Variants in COL4A6 observed in about 807,000 individuals in gnomAD.
COL4A6 encodes collagen alpha-6(IV) chain.
A neutral mutation model predicts 126.7 loss-of-function variants in COL4A6; 59 were observed. The ratio of observed to expected loss-of-function variants is 0.47; its 90% CI spans 0.38 to 0.58. The LOEUF (loss-of-function observed/expected upper bound fraction) is 0.58, where lower values mean the gene tolerates loss of function less well. Ranked by LOEUF, COL4A6 falls within the 20% of genes least tolerant of loss-of-function variation. The pLI is 0.00. For synonymous variants in COL4A6, 547 were observed against 496.6 expected (o/e 1.10, Z -1.35); for missense variants, 1,285 against 1,337.3 (o/e 0.96, Z 0.61).
rs766383594 is a variant in COL4A6 at position 108,438,247 on chromosome X, C to A, written c.-51G>T. 1.5e-5 allele frequency: 18 copies of A among 1,161,530 alleles called. No individual in the cohort carries two copies. The East Asian group carries it at 5.4e-4, about 35-fold the overall frequency. ...CCCGGGAGACTGCTAAGCGGCTCCG[C>A]GGCCCGTGCTCATCTGGGCTCTGCT... On this transcript the variant is annotated 5_prime_UTR_variant, in exon 1 of 45. Coordinates refer to ENST00000334504, the MANE Select transcript of COL4A6 (RefSeq NM_033641.4).
intron 2 of COL4A6, among the ~76,000 whole-genome samples, chrX:108,339,721 A>G (rs772968132): frequency 9.0e-6 from 1 of 111,319 alleles, no homozygotes; most frequent in South Asian, 3.8e-4. Context: ...TATTCACAGC[A>G]TCTGTCCTGA....
chrX:108,295,821 T>C (rs1366571732), intron 3 of COL4A6, among the ~76,000 whole-genome samples: 1 of 111,884 alleles, frequency 8.9e-6, no homozygotes, highest in Non-Finnish European at 1.9e-5. Flanking sequence ...AGTGGTAAAG[T>C]GGATAAGGGA....
chrX:108,383,660 C>G, intron 2 of COL4A6: 1 of 510,696 alleles, frequency 2.0e-6, no homozygotes, highest in Admixed American at 2.9e-5. Context: ...AAAACCAGTG[C>G]CGTTGAACAA....
intron 22 of COL4A6, 90 bp downstream of exon 22, chrX:108,187,758 C>T: frequency 1.1e-6 from 1 of 926,012 alleles, no homozygotes; most frequent in Non-Finnish European, 1.5e-6. Context: ...TCTGTTCTTC[C>T]CTGTTTCATG....
chrX:108,368,161 T>C (rs1240745075), intron 2 of COL4A6, among the ~76,000 whole-genome samples: 1 of 110,161 alleles, frequency 9.1e-6, no homozygotes, highest in Non-Finnish European at 1.9e-5. Context: ...TTTAGGTTTA[T>C]ACAAACCTAA....
intron 3 of COL4A6, among the ~76,000 whole-genome samples, chrX:108,292,165 T>C (rs955786517): frequency 1.3e-4 from 15 of 112,282 alleles, no homozygotes; most frequent in Admixed American, 3.8e-4. Flanking sequence ...ATTGTTCTTA[T>C]GGAAGCAATT....
intron 3 of COL4A6, among the ~76,000 whole-genome samples, chrX:108,241,160 T>C (rs993046825): frequency 1.1e-4 from 12 of 110,901 alleles, no homozygotes; most frequent in Non-Finnish European, 2.1e-4. Context: ...TCACAAGTAA[T>C]ATAAATGTAT....
intron 12 of COL4A6, among the ~76,000 whole-genome samples, chrX:108,203,229 A>G (rs749222769): frequency 1.8e-5 from 2 of 112,206 alleles, no homozygotes; most frequent in South Asian, 7.5e-4. Context: ...AATGTCAAAT[A>G]CTGAGGCTAA....
chrX:108,306,779 G>C (rs143137962), intron 3 of COL4A6, among the ~76,000 whole-genome samples: 1 of 111,288 alleles, frequency 9.0e-6, no homozygotes, highest in East Asian at 2.8e-4. Context: ...TAAAATGGGG[G>C]ACAAACAGCC....
chrX:108,270,663 T>C (rs2037425330), intron 3 of COL4A6, among the ~76,000 whole-genome samples: 1 of 112,184 alleles, frequency 8.9e-6, no homozygotes, highest in African/African-American at 3.2e-5. Context: ...CTCATAGAGG[T>C]GGTATGAATC....
At chrX:108,345,790 G>A (rs752424582) in intron 2 of COL4A6, among the ~76,000 whole-genome samples, 3 of 111,717 alleles carry the variant, frequency 2.7e-5, no homozygotes, top group South Asian at 3.8e-4. Context: ...TGTCACAGAT[G>A]TGGAGCATCT....
chrX:108,398,178 A>G (rs923412139), intron 2 of COL4A6, among the ~76,000 whole-genome samples: 32 of 112,284 alleles, frequency 2.8e-4, no homozygotes, highest in African/African-American at 7.4e-4. Flanking sequence ...TGATGAATCA[A>G]TCTTCGCAAA....
At chrX:108,241,387 A>G (rs1019526763) in intron 3 of COL4A6, among the ~76,000 whole-genome samples, 2 of 109,340 alleles carry the variant, frequency 1.8e-5, no homozygotes, top group African/African-American at 3.3e-5. Context: ...AGTGGTAGAA[A>G]TACCATTTAA....
chrX:108,282,527 G>T (rs953179780), intron 3 of COL4A6, among the ~76,000 whole-genome samples: 1 of 111,406 alleles, frequency 9.0e-6, no homozygotes, highest in Non-Finnish European at 1.9e-5. Context: ...GGAGAAATAC[G>T]AACAGTTTTA....
At chrX:108,328,531 C>A (rs1304787803) in intron 2 of COL4A6, among the ~76,000 whole-genome samples, 1 of 111,476 alleles carries the variant, frequency 9.0e-6, no homozygotes, top group African/African-American at 3.3e-5. Context: ...CAACACCAAC[C>A]AACAAATCAA....
chrX:108,430,482 T>TA (rs2064158297), intron 2 of COL4A6, among the ~76,000 whole-genome samples: 1 of 111,822 alleles, frequency 8.9e-6, no homozygotes, highest in African/African-American at 3.3e-5. Context: ...ATAAAGGCAT[T>TA]AAATCAGAAG....
chrX:108,375,772 A>G (rs2040422074), intron 2 of COL4A6, among the ~76,000 whole-genome samples: 1 of 109,782 alleles, frequency 9.1e-6, no homozygotes, highest in Non-Finnish European at 1.9e-5. Flanking sequence ...TGATAAACAC[A>G]AAGTCAACAG....
At chrX:108,367,567 G>A (rs1463382852) in intron 2 of COL4A6, among the ~76,000 whole-genome samples, 1 of 111,744 alleles carries the variant, frequency 8.9e-6, no homozygotes, top group Non-Finnish European at 1.9e-5. Context: ...ACGATGAGAG[G>A]AAATGCATTT....
chrX:108,349,442 T>G (rs1460091958), intron 2 of COL4A6, among the ~76,000 whole-genome samples: 2 of 112,032 alleles, frequency 1.8e-5, no homozygotes, highest in Non-Finnish European at 3.8e-5. Flanking sequence ...GGAGAAAAGA[T>G]AGCCCTTGGT....
Sources: gnomAD v4.1 joint callset for allele counts (sites outside exome capture counted in the v4.1 genomes callset) on GRCh38, gnomAD v4.1.1 for gene constraint, MANE v1.5 for transcripts, NCBI Gene and HGNC (gene_info 2026-07-23, HGNC 2026-07-21) for gene names.